The following INPP4B variants were observed in gnomAD, a reference collection of about 807,000 sequenced individuals.
The protein encoded by INPP4B is inositol polyphosphate-4-phosphatase type II B.
Under a neutral mutation model 122.5 loss-of-function variants are expected in INPP4B, and 55 were observed. The ratio of observed to expected loss-of-function variants is 0.45; its 90% confidence interval spans 0.36 to 0.56. INPP4B has a LOEUF of 0.56. Ranked by LOEUF, INPP4B falls within the 20% of genes least tolerant of loss-of-function variation. The pLI, the probability that INPP4B is intolerant of heterozygous loss-of-function variation, is 0.00. For missense variants in INPP4B, 1,000 were observed against 1,097.7 expected, an observed-to-expected ratio of 0.91 and a Z score of 1.26; for synonymous variants, 403 against 388.7, an observed-to-expected ratio of 1.04 and a Z score of -0.43.
intron 18 of INPP4B, among the ~76,000 whole-genome samples, chr4:142,138,090 T>A (rs961954965): frequency 6.6e-5 from 10 of 151,642 alleles, no homozygotes; most frequent in African/African-American, 2.4e-4. Flanking sequence ...TGCACACGTA[T>A]GTTTATTGCG....
At chr4:142,789,364 T>C (rs1776212460) in intron 1 of INPP4B, among the ~76,000 whole-genome samples, 1 of 152,120 alleles carries the variant, frequency 6.6e-6, no homozygotes, top group South Asian at 2.1e-4. Flanking sequence ...TTCCTAGAAC[T>C]GATAAATTAA....
chr4:142,809,108 G>A (rs532159236), intron 1 of INPP4B, among the ~76,000 whole-genome samples: 6 of 152,076 alleles, frequency 3.9e-5, no homozygotes, highest in Middle Eastern at 3.4e-3. Flanking sequence ...CAAGCACATG[G>A]TGAATAAATT....
chr4:142,484,111 C>A (rs1415620736), intron 2 of INPP4B, among the ~76,000 whole-genome samples: 2 of 152,044 alleles, frequency 1.3e-5, no homozygotes, highest in Non-Finnish European at 2.9e-5. Context: ...AGTGTGAGAG[C>A]TATCATCTGC....
chr4:142,750,146 G>T (rs1769450838), intron 1 of INPP4B, among the ~76,000 whole-genome samples: 1 of 151,852 alleles, frequency 6.6e-6, no homozygotes, highest in Non-Finnish European at 1.5e-5. Flanking sequence ...TTTTAAAATT[G>T]CACACTAAAA....
chr4:142,584,010 C>T (rs917474332), intron 2 of INPP4B, among the ~76,000 whole-genome samples: 4 of 152,032 alleles, frequency 2.6e-5, no homozygotes, highest in African/African-American at 9.7e-5. Context: ...GCCTCTCAGC[C>T]TTAGAAACCT....
chr4:142,707,590 C>G (rs1223937912), intron 2 of INPP4B, among the ~76,000 whole-genome samples: 2 of 152,242 alleles, frequency 1.3e-5, no homozygotes, highest in African/African-American at 4.8e-5. Flanking sequence ...TCCTCCTGCT[C>G]TAGCCACATA....
chr4:142,710,195 A>C (rs927446474), intron 2 of INPP4B, among the ~76,000 whole-genome samples: 2 of 152,182 alleles, frequency 1.3e-5, no homozygotes, highest in Admixed American at 1.3e-4. Context: ...TGGCAGGATA[A>C]ATTTATGAGC....
intron 7 of INPP4B, among the ~76,000 whole-genome samples, chr4:142,365,235 A>G (rs1787002759): frequency 6.6e-6 from 1 of 152,160 alleles, no homozygotes; most frequent in African/African-American, 2.4e-5. Flanking sequence ...TTTGACATAA[A>G]CAATAGGAGA....
chr4:142,783,274 G>A (rs1329122440), intron 1 of INPP4B, among the ~76,000 whole-genome samples: 1 of 151,960 alleles, frequency 6.6e-6, no homozygotes, highest in African/African-American at 2.4e-5. Context: ...ATCTGACAAA[G>A]GGCTAATATC....
At chr4:142,342,442 C>A (rs1300856745) in intron 7 of INPP4B, among the ~76,000 whole-genome samples, 3 of 152,002 alleles carry the variant, frequency 2.0e-5, no homozygotes, top group Non-Finnish European at 4.4e-5. Flanking sequence ...ATATTGAGTA[C>A]CCTCCCCTTA....
At chr4:142,130,829 T>C (rs1800883387) in intron 18 of INPP4B, among the ~76,000 whole-genome samples, 1 of 152,192 alleles carries the variant, frequency 6.6e-6, no homozygotes, top group Admixed American at 6.5e-5. Context: ...AAAGGCAACC[T>C]TCCCTCATGT....
chr4:142,815,321 G>A (rs1032506037), intron 1 of INPP4B, among the ~76,000 whole-genome samples: 4 of 152,144 alleles, frequency 2.6e-5, no homozygotes, highest in Non-Finnish European at 5.9e-5. Flanking sequence ...AGGATAAGCT[G>A]TAGTTAATAA....
intron 2 of INPP4B, among the ~76,000 whole-genome samples, chr4:142,639,094 T>C (rs1420401016): frequency 6.6e-6 from 1 of 152,228 alleles, no homozygotes; most frequent in African/African-American, 2.4e-5. Flanking sequence ...GTTTTTTGAA[T>C]GCTGACCTAG....
At chr4:142,601,732 G>A (rs1298569921) in intron 2 of INPP4B, among the ~76,000 whole-genome samples, 3 of 151,946 alleles carry the variant, frequency 2.0e-5, no homozygotes, top group Non-Finnish European at 4.4e-5. Context: ...CACTTTGGGA[G>A]GCTGAGGTGC....
intron 2 of INPP4B, among the ~76,000 whole-genome samples, chr4:142,635,554 T>C (rs1748954561): frequency 6.6e-6 from 1 of 152,146 alleles, no homozygotes; most frequent in Non-Finnish European, 1.5e-5. Flanking sequence ...GTGTCTTTTG[T>C]GGGAACATGG....
intron 23 of INPP4B, among the ~76,000 whole-genome samples, chr4:142,096,612 C>A (rs144357757): frequency 1.1e-4 from 17 of 152,106 alleles, no homozygotes; most frequent in Non-Finnish European, 2.5e-4. Context: ...AACAGAAGTG[C>A]TTCTAAAGAT....
intron 14 of INPP4B, among the ~76,000 whole-genome samples, chr4:142,204,865 C>A (rs960508983): frequency 6.6e-6 from 1 of 152,010 alleles, no homozygotes; most frequent in Non-Finnish European, 1.5e-5. Flanking sequence ...AGACTTCCAG[C>A]CCCCAGAATT....
chr4:142,649,116 G>T (rs1439263278), intron 2 of INPP4B, among the ~76,000 whole-genome samples: 1 of 152,170 alleles, frequency 6.6e-6, no homozygotes, highest in African/African-American at 2.4e-5. Flanking sequence ...CAACAGACCT[G>T]CAGCTGAGGG....
At position 142,062,988 on chromosome 4, in the gene INPP4B, G is replaced by A. The variant is rs1055356183; in HGVS notation, c.2642+19043C>T. 2.0e-5 allele frequency among the ~76,000 whole-genome samples: 3 copies of A among 152,242 alleles called. No homozygotes were observed. In the East Asian group the frequency reaches 5.8e-4, roughly 29 times the overall value. On this transcript the variant is annotated intron_variant, in intron 25 of 25. Coordinates refer to ENST00000262992, the MANE Select transcript of INPP4B (RefSeq NM_001101669.3). ...TTCAATATAATTTTTGTTTAACGTT[G>A]AAATACTGAACCTTGAATTTAGATT...
Sources: allele counts gnomAD v4.1 joint callset (sites outside exome capture counted in the v4.1 genomes callset), GRCh38; gene constraint gnomAD v4.1.1; transcripts MANE v1.5; gene names NCBI Gene and HGNC (gene_info 2026-07-23, HGNC 2026-07-21).